Variants in RIMS2 observed in about 807,000 individuals in gnomAD.
RIMS2 encodes the protein regulating synaptic membrane exocytosis 2.
RIMS2 carries 59 observed loss-of-function variants against 174.4 expected under a neutral mutation model. The observed-to-expected ratio is 0.34, with a 90% CI of 0.27 to 0.42. The LOEUF (loss-of-function observed/expected upper bound fraction) is 0.42, where lower values mean the gene tolerates loss of function less well. RIMS2 is among the 10% of genes least tolerant of loss of function. The probability of loss-of-function intolerance (pLI) is 1.00; values close to 1 mark genes in which losing one functional copy is unlikely to be tolerated. For synonymous variants in RIMS2, 606 were observed against 572.5 expected (o/e 1.06, Z -0.84); for missense variants, 1,620 against 1,666.3 (o/e 0.97, Z 0.48).
In RIMS2 at chr8:103,798,915, C is replaced by CTTTTTT. The variant is rs376864472; in HGVS notation, c.698+32389_698+32394dup. On this transcript the variant is annotated intron_variant, in intron 3 of 23. Transcript: ENST00000504942. ...CACACGAAGCCTTAAAGGTAGAAAACTTTTTTTTTTTTTTTTGGCTGCGTC... is the reference window on the plus strand; with the variant it reads ...CACACGAAGCCTTAAAGGTAGAAAACTTTTTTTTTTTTTTTTTTTTTTGGCTGCGTC... Among the ~76,000 whole-genome samples, 693 of 134,762 alleles carry CTTTTTT rather than the reference C, an allele frequency of 5.1e-3. 7 individuals are homozygous for CTTTTTT. Among genetic ancestry groups the CTTTTTT allele is most frequent in the African/African-American group, 0.018 (659 of 36,374 alleles). 88.4% of individuals were successfully genotyped at this position (134,762 alleles called of 152,430 possible). A position where few individuals can be genotyped will look rare whatever the true frequency, so the allele number is the denominator to read the frequency against.
chr8:103,726,414 CT>C (rs1291473569), intron 2 of RIMS2, among the ~76,000 whole-genome samples: 1 of 152,026 alleles, frequency 6.6e-6, no homozygotes, highest in Non-Finnish European at 1.5e-5. Flanking sequence ...TTAACTTTTT[CT>C]TTTATGGTTA....
intron 4 of RIMS2, among the ~76,000 whole-genome samples, chr8:103,904,511 C>G (rs1222504590): frequency 6.6e-6 from 1 of 151,868 alleles, no homozygotes; most frequent in African/African-American, 2.4e-5. Flanking sequence ...TTTTAAAAAC[C>G]ATGAATGCAT....
intron 19 of RIMS2, among the ~76,000 whole-genome samples, chr8:104,189,614 A>G (rs919318997): frequency 2.0e-5 from 3 of 148,160 alleles, no homozygotes; most frequent in Admixed American, 1.4e-4. Context: ...GTAAATATAT[A>G]TATATTTCAA....
At chr8:104,196,701 A>G (rs1361955277) in intron 19 of RIMS2, among the ~76,000 whole-genome samples, 1 of 152,166 alleles carries the variant, frequency 6.6e-6, no homozygotes, top group African/African-American at 2.4e-5. Context: ...TCCAAAGTTT[A>G]TAAGCTTAAA....
intron 2 of RIMS2, among the ~76,000 whole-genome samples, chr8:103,758,454 T>TC (rs1307501148): frequency 1.3e-5 from 2 of 152,182 alleles, no homozygotes; most frequent in Non-Finnish European, 2.9e-5. Flanking sequence ...GCCTACAGCT[T>TC]CTAGGAAGCT....
chr8:103,676,983 A>G (rs2136544641), intron 1 of RIMS2, among the ~76,000 whole-genome samples: 1 of 152,290 alleles, frequency 6.6e-6, no homozygotes, highest in Admixed American at 6.5e-5. Flanking sequence ...GACTGTCTTA[A>G]AAATAAATAA....
At chr8:103,710,964 A>G (rs970236294) in intron 2 of RIMS2, among the ~76,000 whole-genome samples, 6 of 152,184 alleles carry the variant, frequency 3.9e-5, no homozygotes, top group Non-Finnish European at 5.9e-5. Flanking sequence ...TCTGAAATAT[A>G]TTACAGTAGT....
chr8:104,050,595 A>G (rs2096769651), intron 19 of RIMS2, among the ~76,000 whole-genome samples: 1 of 152,222 alleles, frequency 6.6e-6, no homozygotes, highest in Non-Finnish European at 1.5e-5. Context: ...TAAAGTTTAG[A>G]AAAGGAGAAT....
At chr8:103,552,970 A>G (rs933933912) in intron 1 of RIMS2, among the ~76,000 whole-genome samples, 2 of 152,192 alleles carry the variant, frequency 1.3e-5, no homozygotes, top group Non-Finnish European at 2.9e-5. Flanking sequence ...GGATGTGGAG[A>G]AATAGGAACA....
chr8:104,241,733 C>T (rs2099297948), intron 19 of RIMS2, among the ~76,000 whole-genome samples: 1 of 151,916 alleles, frequency 6.6e-6, no homozygotes, highest in Non-Finnish European at 1.5e-5. Flanking sequence ...AATTGTATTA[C>T]CTCTTGCTTG....
At chr8:104,208,173 C>T (rs1275658507) in intron 19 of RIMS2, among the ~76,000 whole-genome samples, 1 of 152,238 alleles carries the variant, frequency 6.6e-6, no homozygotes, top group East Asian at 1.9e-4. Flanking sequence ...AGATATAGTA[C>T]ATTTCATGAG....
chr8:104,212,473 G>A (rs2099109670), intron 19 of RIMS2, among the ~76,000 whole-genome samples: 1 of 152,156 alleles, frequency 6.6e-6, no homozygotes, highest in South Asian at 2.1e-4. Context: ...TCTGTGGAAT[G>A]CTGCTCAGAG....
chr8:104,073,862 C>T (rs563030797), intron 19 of RIMS2, among the ~76,000 whole-genome samples: 179 of 151,850 alleles, frequency 1.2e-3, no homozygotes, highest in Admixed American at 2.2e-3. Context: ...AACTAGTTTA[C>T]GTTAAAATAT....
intron 1 of RIMS2, among the ~76,000 whole-genome samples, chr8:103,535,698 C>T (rs574441894): frequency 1.3e-5 from 2 of 152,302 alleles, no homozygotes; most frequent in African/African-American, 4.8e-5. Flanking sequence ...ATGGCTTAGT[C>T]TTTCAGGTAG....
chr8:104,085,380 A>G (rs766300839), intron 19 of RIMS2, among the ~76,000 whole-genome samples: 3 of 152,206 alleles, frequency 2.0e-5, no homozygotes, highest in Non-Finnish European at 2.9e-5. Context: ...GCTCACTGTA[A>G]TCAGATACAT....
intron 19 of RIMS2, chr8:104,094,594 C>T: frequency 1.4e-6 from 1 of 700,876 alleles, no homozygotes; most frequent in Non-Finnish European, 2.6e-6. Context: ...AAAGAGATTG[C>T]CAAAACGTGT....
intron 2 of RIMS2, among the ~76,000 whole-genome samples, chr8:103,747,867 T>A (rs375372890): frequency 2.0e-5 from 3 of 152,150 alleles, no homozygotes; most frequent in African/African-American, 7.2e-5. Flanking sequence ...GAAGCTTAGA[T>A]ATAAATAAGG....
At position 103,975,616 on chromosome 8, in the gene RIMS2, G is replaced by C. The variant is rs2093346002; in HGVS notation, c.2927+110G>C. 8.6e-6 allele frequency: 6 copies of C among 700,632 alleles called. No individual in the cohort carries two copies. In the South Asian group the frequency reaches 1.1e-4, roughly 13 times the overall value. The allele number at this position is 700,632 out of a possible 1,614,324, so 43.4% of individuals were successfully genotyped here. A position where few individuals can be genotyped will look rare whatever the true frequency, so the allele number is the denominator to read the frequency against. On this transcript the variant is annotated intron_variant, in intron 16 of 23. Transcript: ENST00000504942. The stretch of plus-strand genomic sequence containing the variant: ...TATACGAAAGGGAGTTTATTAGGGA[G>C]AATTGGCTCATATGATTATAAGACA...
intron 16 of RIMS2, among the ~76,000 whole-genome samples, chr8:103,978,067 A>C (rs1490198409): frequency 6.6e-6 from 1 of 152,208 alleles, no homozygotes; most frequent in Non-Finnish European, 1.5e-5. Flanking sequence ...CTTAGTAATC[A>C]TTAGCATAAA....
Sources: gnomAD v4.1 joint callset for allele counts (sites outside exome capture counted in the v4.1 genomes callset) on GRCh38, gnomAD v4.1.1 for gene constraint, MANE v1.5 for transcripts, NCBI Gene and HGNC (gene_info 2026-07-23, HGNC 2026-07-21) for gene names.